TBC1D12: variants seen among roughly 807,000 people sequenced by gnomAD.
TBC1D12 encodes TBC1 domain family, member 12.
In TBC1D12, 56 loss-of-function variants were observed where a neutral mutation model predicts 86.7. The observed-to-expected ratio is 0.65, with a 90% CI of 0.52 to 0.81. The LOEUF is 0.81. Ranked by LOEUF, TBC1D12 falls within the 30% of genes least tolerant of loss-of-function variation. TBC1D12 has a pLI of 0.00. For synonymous variants in TBC1D12, 421 were observed against 411.7 expected (o/e 1.02, Z -0.27); for missense variants, 1,023 against 1,038.8 (o/e 0.98, Z 0.21).
At chr10:94,434,437 T>C (rs7089094) in intron 1 of TBC1D12, among the ~76,000 whole-genome samples, 72,474 of 149,656 alleles carry the variant, frequency 0.48, 17,950 homozygotes, top group East Asian at 0.79. Flanking sequence ...ACCCGGGAGA[T>C]GGAGGTTGCA....
intron 1 of TBC1D12, among the ~76,000 whole-genome samples, chr10:94,413,132 ATATTCAGGTACTATGTAATTGATGAG>A (rs2054948541): frequency 6.6e-6 from 1 of 152,364 alleles, no homozygotes; most frequent in East Asian, 1.9e-4. Context: ...AAATTGGGTC[ATATTCAGGTACTATGTAATTGATGAG>A]TATAAACAGA....
intron 1 of TBC1D12, among the ~76,000 whole-genome samples, chr10:94,434,341 A>C (rs1353889637): frequency 1.3e-5 from 2 of 151,866 alleles, no homozygotes; most frequent in Non-Finnish European, 2.9e-5. Context: ...CCCTGTCTCT[A>C]CTAAAAATAC....
chr10:94,525,644 A>G (rs986524360), intron 11 of TBC1D12, among the ~76,000 whole-genome samples: 2 of 143,716 alleles, frequency 1.4e-5, no homozygotes, highest in African/African-American at 2.6e-5. Flanking sequence ...TGGGCTACAG[A>G]GCAAGACTCC....
intron 3 of TBC1D12, among the ~76,000 whole-genome samples, chr10:94,478,458 C>T (rs1002619405): frequency 6.6e-6 from 1 of 152,010 alleles, no homozygotes; most frequent in Admixed American, 6.6e-5. Flanking sequence ...CCTGTAATCC[C>T]AGCACTTTGG....
At chr10:94,426,150 A>T (rs148235609) in intron 1 of TBC1D12, among the ~76,000 whole-genome samples, 11 of 151,836 alleles carry the variant, frequency 7.2e-5, no homozygotes, top group African/African-American at 2.4e-4. Context: ...TTTTAACTTA[A>T]TTTTTCTTGT....
At chr10:94,504,340 T>G (rs1342287040) in intron 6 of TBC1D12, among the ~76,000 whole-genome samples, 7 of 152,176 alleles carry the variant, frequency 4.6e-5, no homozygotes, top group Non-Finnish European at 8.8e-5. Context: ...AAAAGGTTCG[T>G]TTTTAGCTTG....
chr10:94,447,560 T>C (rs1226901699), intron 2 of TBC1D12: 14 of 958,154 alleles, frequency 1.5e-5, no homozygotes, highest in Non-Finnish European at 1.6e-5. Context: ...GAAGTTAACT[T>C]GATAATCAAT....
In TBC1D12 at chr10:94,464,871, A is replaced by G. The variant is rs190907180; in HGVS notation, c.1096-9797A>G. ...AGTGGGGAGAGTGGCATTGTTTTAC[A>G]TTTTTGCAGATCTCTTTAATGTATG... is the stretch of plus-strand genomic sequence containing the variant. On this transcript the variant is annotated intron_variant, in intron 2 of 12. Transcript: ENST00000225235. Among the ~76,000 whole-genome samples, 21 of 152,332 alleles carry G rather than the reference A, an allele frequency of 1.4e-4. No homozygotes were observed. The East Asian group carries it at 3.3e-3, about 24-fold the overall frequency.
intron 1 of TBC1D12, among the ~76,000 whole-genome samples, chr10:94,437,209 A>G (rs1379363013): frequency 1.3e-5 from 2 of 152,070 alleles, no homozygotes; most frequent in African/African-American, 4.8e-5. Flanking sequence ...TTTGAGTTTC[A>G]GCAGTTTGAC....
chr10:94,514,483 T>C (rs1222819435), intron 9 of TBC1D12, among the ~76,000 whole-genome samples: 3 of 152,342 alleles, frequency 2.0e-5, no homozygotes, highest in Admixed American at 6.5e-5. Flanking sequence ...AGTTCAGTGG[T>C]TTTAGATTAC....
At chr10:94,451,296 A>G (rs1239876847) in intron 2 of TBC1D12, among the ~76,000 whole-genome samples, 1 of 152,122 alleles carries the variant, frequency 6.6e-6, no homozygotes, top group Non-Finnish European at 1.5e-5. Flanking sequence ...TCCCATAAGT[A>G]TGTAAAATTA....
At chr10:94,457,578 CCTCT>C (rs1355145357) in intron 2 of TBC1D12, among the ~76,000 whole-genome samples, 3 of 152,090 alleles carry the variant, frequency 2.0e-5, no homozygotes, top group African/African-American at 7.2e-5. Flanking sequence ...CCATGCTTGG[CCTCT>C]CTGTGTTTTA....
chr10:94,459,545 G>A (rs1020827251), intron 2 of TBC1D12, among the ~76,000 whole-genome samples: 16 of 152,356 alleles, frequency 1.1e-4, no homozygotes, highest in South Asian at 4.1e-4. Context: ...TGGAGCAGGC[G>A]GCGGTGCCCG....
At chr10:94,511,339 C>T (rs1335394498) in intron 8 of TBC1D12, among the ~76,000 whole-genome samples, 1 of 152,006 alleles carries the variant, frequency 6.6e-6, no homozygotes, top group Non-Finnish European at 1.5e-5. Context: ...CTCAAATGAC[C>T]TGCCCATCTC....
At chr10:94,489,949 G>A (rs2056224201) in intron 3 of TBC1D12, among the ~76,000 whole-genome samples, 1 of 152,114 alleles carries the variant, frequency 6.6e-6, no homozygotes, top group Non-Finnish European at 1.5e-5. Flanking sequence ...GAAATAGTTT[G>A]AAATATTGCA....
chr10:94,418,796 C>T (rs867370862), intron 1 of TBC1D12, among the ~76,000 whole-genome samples: 2 of 151,726 alleles, frequency 1.3e-5, no homozygotes, highest in South Asian at 2.1e-4. Context: ...TGGTCTTGAA[C>T]GCCTGACCTC....
intron 3 of TBC1D12, among the ~76,000 whole-genome samples, chr10:94,482,117 A>G (rs2056085996): frequency 6.6e-6 from 1 of 152,152 alleles, no homozygotes; most frequent in Non-Finnish European, 1.5e-5. Context: ...AATTAAGCCC[A>G]GTATCCAATC....
intron 2 of TBC1D12, among the ~76,000 whole-genome samples, chr10:94,468,379 C>G (rs758393475): frequency 6.6e-6 from 1 of 152,162 alleles, no homozygotes; most frequent in Non-Finnish European, 1.5e-5. Context: ...ACAACAAATT[C>G]TCTTAGCTAT....
At chr10:94,451,511 T>C (rs144115898) in intron 2 of TBC1D12, among the ~76,000 whole-genome samples, 3 of 152,258 alleles carry the variant, frequency 2.0e-5, no homozygotes, top group African/African-American at 7.2e-5. Flanking sequence ...TTAATTCTTG[T>C]GTTCCTAGCT....
Sources: allele counts gnomAD v4.1 joint callset (sites outside exome capture counted in the v4.1 genomes callset), GRCh38; gene constraint gnomAD v4.1.1; transcripts MANE v1.5; gene names NCBI Gene and HGNC (gene_info 2026-07-23, HGNC 2026-07-21).